Variants in SF3A1 observed in about 807,000 individuals in gnomAD.
SF3A1 encodes splicing factor 3a subunit 1.
Under a neutral mutation model 89.9 loss-of-function variants are expected in SF3A1, and 13 were observed. The ratio of observed to expected loss-of-function variants is 0.14; its 90% CI spans 0.09 to 0.23. The LOEUF (loss-of-function observed/expected upper bound fraction) is 0.23, where lower values mean the gene tolerates loss of function less well. SF3A1 is among the 10% of genes least tolerant of loss of function. The probability of loss-of-function intolerance (pLI) is 1.00; values close to 1 mark genes in which losing one functional copy is unlikely to be tolerated. For synonymous variants in SF3A1, 405 were observed against 374.4 expected, an observed-to-expected ratio of 1.08 and a Z score of -0.94; for missense variants, 604 against 1,022.1, an observed-to-expected ratio of 0.59 and a Z score of 5.58.
chr22:30,353,835 C>A (rs1931677054), intron 1 of SF3A1, among the ~76,000 whole-genome samples: 1 of 152,198 alleles, frequency 6.6e-6, no homozygotes, highest in African/African-American at 2.4e-5. Flanking sequence ...TGCTACATTA[C>A]CAAATGCCCA....
intron 3 of SF3A1, 68 bp from the exon 4 acceptor site, chr22:30,345,258 G>C: frequency 8.4e-7 from 1 of 1,192,500 alleles, no homozygotes; most frequent in Non-Finnish European, 1.2e-6. Flanking sequence ...GGGGAGGGGA[G>C]GGGACATGGG....
chr22:30,346,320 G>C lies in SF3A1; in HGVS notation c.385C>G (p.Pro129Ala), dbSNP rs747465183. ...GGCACTGGGCTCCAAACCTTCTGGG[G>C]CAGCTGCTGCTGGGTGGTCTGCTGC... ...QQQQTTQQQL[P>A]QKVQAQVIQE... Residue 129 changes from proline to alanine, a missense_variant, in exon 3 of 16, where the codon CCC becomes GCC. Coordinates refer to ENST00000215793, the MANE Select transcript of SF3A1 (RefSeq NM_005877.6). 1.2e-6 allele frequency: 2 copies of C among 1,610,712 alleles called. No homozygotes were observed. The highest frequency in any genetic ancestry group is 1.3e-5 in the African/African-American group (1 of 74,810).
chr22:30,343,830 G>A (rs369318682), intron 4 of SF3A1, among the ~76,000 whole-genome samples: 1 of 152,158 alleles, frequency 6.6e-6, no homozygotes, highest in Non-Finnish European at 1.5e-5. Context: ...TCTGGATTTG[G>A]TCATTTTCTA....
intron 9 of SF3A1, among the ~76,000 whole-genome samples, chr22:30,339,605 A>G (rs571244549): frequency 6.6e-6 from 1 of 152,116 alleles, no homozygotes; most frequent in African/African-American, 2.4e-5. Flanking sequence ...AAAATACAAA[A>G]ATTAGCCGGG....
At chr22:30,343,007 C>A in intron 4 of SF3A1, 128 bp from the exon 5 acceptor site, 1 of 600,890 alleles carries the variant, frequency 1.7e-6, no homozygotes, top group Non-Finnish European at 2.9e-6. Context: ...AATCCCAGCT[C>A]CACTTGGCTG....
chr22:30,339,626 C>A (rs1169536450), intron 9 of SF3A1, among the ~76,000 whole-genome samples: 1 of 152,086 alleles, frequency 6.6e-6, no homozygotes, highest in Non-Finnish European at 1.5e-5. Context: ...TGTGGTGGTG[C>A]GTGCCTGTAA....
At chr22:30,338,591 C>T (rs1414142134) in intron 11 of SF3A1, among the ~76,000 whole-genome samples, 198 bp downstream of exon 11, 1 of 152,164 alleles carries the variant, frequency 6.6e-6, no homozygotes, top group Admixed American at 6.5e-5. Context: ...CCACTTACCT[C>T]CCTCCCTGTT....
Position 30,341,791 on chromosome 22 carries a change from C to G in SF3A1, c.972G>C (p.Glu324Asp). ...YEKFGESEEV[E>D]MEVESDEEDD... is the part of the protein sequence containing the mutation. ...CCTCCTCATCAGACTCGACCTCCATCTCAACTTCCTCACTCTCCCCAAACT... is the reference window on the plus strand; with the variant it reads ...CCTCCTCATCAGACTCGACCTCCATGTCAACTTCCTCACTCTCCCCAAACT... Residue 324 changes from glutamate (E) to aspartate (D), a missense_variant, in exon 7 of 16, where the codon GAG becomes GAC. Glu to Asp is a conservative substitution (Grantham distance 45). Transcript: ENST00000215793. 6.2e-7 allele frequency: 1 copy of G among 1,614,178 alleles called. No homozygotes were observed. The highest frequency in any genetic ancestry group is 8.5e-7 in the Non-Finnish European group (1 of 1,180,040).
At chr22:30,346,034 C>A (rs910810245) in intron 3 of SF3A1, among the ~76,000 whole-genome samples, 1 of 152,154 alleles carries the variant, frequency 6.6e-6, no homozygotes, top group Admixed American at 6.5e-5. Context: ...AATCACACGT[C>A]CCCCAACTCT....
rs543715750 is a variant in SF3A1 at position 30,334,494 on chromosome 22, G to A, written c.*100C>T. 2.9e-6 allele frequency: 2 copies of A among 686,340 alleles called. No homozygotes were observed. Among genetic ancestry groups the A allele is most frequent in the East Asian group, 5.8e-5 (2 of 34,344 alleles). The allele number at this position is 686,340 out of a possible 1,614,324, so 42.5% of individuals were successfully genotyped here. The stretch of plus-strand genomic sequence containing the variant: ...AACTGAGTAAGAGCGAAACAAATAT[G>A]CAGGCAAGGCAAAGCCTCAGGGGGG... On this transcript the variant is annotated 3_prime_UTR_variant, in exon 16 of 16. Coordinates refer to ENST00000215793, the MANE Select transcript of SF3A1 (RefSeq NM_005877.6).
intron 12 of SF3A1, 83 bp downstream of exon 12, chr22:30,337,607 A>G: frequency 1.3e-6 from 1 of 741,552 alleles, no homozygotes; most frequent in South Asian, 1.5e-5. Flanking sequence ...AGCTGGCACT[A>G]GCATCAGCCA....
Position 30,334,524 on chromosome 22 carries a change from T to A in SF3A1, c.*70A>T, listed in dbSNP as rs1400670314. 2.1e-6 allele frequency: 2 copies of A among 958,860 alleles called. No individual in the cohort carries two copies. Among genetic ancestry groups the A allele is most frequent in the Non-Finnish European group, 3.1e-6 (2 of 642,888 alleles). 59.4% of individuals were successfully genotyped at this position (958,860 alleles called of 1,614,324 possible). On this transcript the variant is annotated 3_prime_UTR_variant, in exon 16 of 16. Transcript: ENST00000215793. ...CAAGGCAAAGCCTCAGGGGGGCTCC[T>A]GGGTCTGGGGCAGGGGGTGGGAGAC... is the stretch of plus-strand genomic sequence containing the variant.
intron 2 of SF3A1, among the ~76,000 whole-genome samples, chr22:30,348,633 C>T (rs1217650653): frequency 6.6e-6 from 1 of 152,102 alleles, no homozygotes; most frequent in African/African-American, 2.4e-5. Flanking sequence ...CATACCCTGC[C>T]GTGTAACTAA....
rs750854523 is a variant in SF3A1, at chr22:30,332,148, A to G, written c.*2446T>C. ...ATAGTACATGTATTTCCATTCAAGT[A>G]TATATCCTAACATAACCCAATATAA... On this transcript the variant is annotated 3_prime_UTR_variant, in exon 16 of 16. Coordinates refer to ENST00000215793, the MANE Select transcript of SF3A1 (RefSeq NM_005877.6). The G allele has an allele frequency of 6.6e-6, 1 of 152,252 alleles. No individual in the cohort carries two copies. The highest frequency in any genetic ancestry group is 1.5e-5 in the Non-Finnish European group (1 of 68,050). The allele number at this position is 152,252 out of a possible 1,614,324, so 9.4% of individuals were successfully genotyped here.
intron 11 of SF3A1, 112 bp downstream of exon 11, chr22:30,338,677 C>T (rs2145804676): frequency 7.4e-7 from 1 of 1,351,602 alleles, no homozygotes; most frequent in South Asian, 1.3e-5. Context: ...TTCAAACTGA[C>T]CCACCCAACA....
Position 30,335,553 on chromosome 22 carries a change from AGCG to A in SF3A1, c.2209-18_2209-16del. On this transcript the variant is annotated splice_polypyrimidine_tract_variant and intron_variant, in intron 14 of 15. Transcript: ENST00000215793. The stretch of plus-strand genomic sequence containing the variant: ...ATGACAGAGACCTGTGGGATCAAGC[AGCG>A]GTCATTCAACTCCTTGGTAAGGCCA... 6.2e-7 allele frequency: 1 copy of A among 1,614,156 alleles called. No homozygotes were observed. The highest frequency in any genetic ancestry group is 8.5e-7 in the Non-Finnish European group (1 of 1,179,974).
At chr22:30,356,317 C>T (rs918723692) in intron 1 of SF3A1, among the ~76,000 whole-genome samples, 1 of 152,228 alleles carries the variant, frequency 6.6e-6, no homozygotes. Flanking sequence ...CAAAGATGTA[C>T]CGTGCAGGCT....
chr22:30,332,715 A>C lies in SF3A1; in HGVS notation c.*1879T>G, dbSNP rs962009948. On this transcript the variant is annotated 3_prime_UTR_variant, in exon 16 of 16. Transcript: ENST00000215793. The stretch of plus-strand genomic sequence containing the variant: ...GCCTCATGGTCAATGGAGCTTCTGC[A>C]TCTGAGCGAGCCAGTACAGATATTC... 2 of 152,236 alleles carry C rather than the reference A, an allele frequency of 1.3e-5. No individual in the cohort carries two copies. Among genetic ancestry groups the C allele is most frequent in the Non-Finnish European group, 1.5e-5 (1 of 68,052 alleles). The allele number at this position is 152,236 out of a possible 1,614,324, so 9.4% of individuals were successfully genotyped here.
intron 2 of SF3A1, 88 bp from the exon 3 acceptor site, chr22:30,346,607 C>T (rs1462276912): frequency 3.4e-6 from 5 of 1,457,368 alleles, no homozygotes; most frequent in Admixed American, 1.8e-5. Context: ...GTCCTTCTTG[C>T]CACCACCCAC....
Sources: gnomAD v4.1 joint callset for allele counts (sites outside exome capture counted in the v4.1 genomes callset) on GRCh38, gnomAD v4.1.1 for gene constraint, MANE v1.5 for transcripts, NCBI Gene and HGNC (gene_info 2026-07-23, HGNC 2026-07-21) for gene names.